The following TTC27 variants were observed in gnomAD, a reference collection of about 807,000 sequenced individuals.
TTC27 encodes tetratricopeptide repeat protein 27.
Under a neutral mutation model 115.9 loss-of-function variants are expected in TTC27, and 79 were observed. That is an observed-to-expected ratio of 0.68 (90% CI 0.57 to 0.82). TTC27 has a LOEUF of 0.82. TTC27 is among the 40% of genes least tolerant of loss of function. The pLI is 0.00. For missense variants in TTC27, 1,054 were observed against 993.1 expected (o/e 1.06, Z -0.82); for synonymous variants, 401 against 356.0 (o/e 1.13, Z -1.42).
intron 16 of TTC27, among the ~76,000 whole-genome samples, chr2:32,795,725 GTATTATTATTAT>G (rs3081615): frequency 7.2e-6 from 1 of 138,700 alleles, no homozygotes. Context: ...GCTAATTTTT[GTATTATTATTAT>G]TATTATTATT....
At chr2:32,808,590 A>G (rs542328953) in intron 16 of TTC27, among the ~76,000 whole-genome samples, 2 of 152,212 alleles carry the variant, frequency 1.3e-5, no homozygotes, top group African/African-American at 4.8e-5. Context: ...AGTTCCCTTC[A>G]TGCCCCTGCA....
At chr2:32,784,589 T>G (rs1389956493) in intron 15 of TTC27, among the ~76,000 whole-genome samples, 2 of 152,228 alleles carry the variant, frequency 1.3e-5, no homozygotes, top group Non-Finnish European at 2.9e-5. Context: ...TATTCGGATG[T>G]AATTTTAATG....
chr2:32,657,353 CTTTTTT>C (rs988569906), intron 5 of TTC27, among the ~76,000 whole-genome samples: 10 of 128,326 alleles, frequency 7.8e-5, no homozygotes, highest in African/African-American at 2.6e-4. Flanking sequence ...CACTGTCTTT[CTTTTTT>C]TTTTTTTTTT....
intron 9 of TTC27, among the ~76,000 whole-genome samples, chr2:32,680,647 C>A (rs1666385505): frequency 6.6e-6 from 1 of 151,894 alleles, no homozygotes; most frequent in Non-Finnish European, 1.5e-5. Context: ...TGGATGGGGA[C>A]AAGTGTCTAG....
chr2:32,744,419 A>G (rs1668748182), intron 12 of TTC27, among the ~76,000 whole-genome samples: 1 of 152,194 alleles, frequency 6.6e-6, no homozygotes, highest in African/African-American at 2.4e-5. Flanking sequence ...TTCTGTAATC[A>G]TCTATTTAAT....
intron 9 of TTC27, among the ~76,000 whole-genome samples, chr2:32,698,911 T>C (rs1298550912): frequency 1.3e-5 from 2 of 152,202 alleles, no homozygotes; most frequent in Admixed American, 6.5e-5. Flanking sequence ...GATAACTAGT[T>C]ATTATTTACA....
chr2:32,664,616 GT>G, intron 6 of TTC27, 149 bp downstream of exon 6: 1 of 679,958 alleles, frequency 1.5e-6, no homozygotes, highest in Non-Finnish European at 2.3e-6. Flanking sequence ...CAAATTTATA[GT>G]TTATAACAAA....
At chr2:32,658,621 G>A (rs1230862370) in intron 5 of TTC27, among the ~76,000 whole-genome samples, 1 of 152,100 alleles carries the variant, frequency 6.6e-6, no homozygotes, top group African/African-American at 2.4e-5. Flanking sequence ...ATTCTGGTAG[G>A]CTGTTTTGTG....
chr2:32,628,545 C>CT (rs2151855802), intron 1 of TTC27, among the ~76,000 whole-genome samples, 165 bp downstream of exon 1: 1 of 152,252 alleles, frequency 6.6e-6, no homozygotes, highest in South Asian at 2.1e-4. Flanking sequence ...GTGGTCCTCA[C>CT]TTTCTTTGCG....
intron 16 of TTC27, among the ~76,000 whole-genome samples, chr2:32,795,143 A>C (rs1034490660): frequency 5.9e-4 from 90 of 151,944 alleles, no homozygotes; most frequent in African/African-American, 1.7e-3. Flanking sequence ...AAAAAAAAAA[A>C]AAACAAACAA....
chr2:32,780,198 TG>T, intron 14 of TTC27: 1 of 391,874 alleles, frequency 2.6e-6, no homozygotes, highest in South Asian at 1.9e-5. Context: ...TTTTTAGCTT[TG>T]TAAATTTCCC....
chr2:32,782,487 A>G, intron 14 of TTC27, 139 bp from the exon 15 acceptor site: 1 of 506,574 alleles, frequency 2.0e-6, no homozygotes, highest in Non-Finnish European at 3.4e-6. Context: ...TTTGCCATAT[A>G]CCTTTAAACA....
chr2:32,735,769 C>A (rs1311174779), intron 11 of TTC27, among the ~76,000 whole-genome samples: 10 of 152,172 alleles, frequency 6.6e-5, no homozygotes, highest in African/African-American at 2.4e-4. Context: ...CCAGCTCTCA[C>A]ATGCCATGGG....
intron 12 of TTC27, among the ~76,000 whole-genome samples, chr2:32,746,432 A>T (rs962167885): frequency 2.0e-5 from 3 of 151,876 alleles, no homozygotes; most frequent in Non-Finnish European, 4.4e-5. Context: ...GCGTGGCAGC[A>T]CATGCCTGTA....
chr2:32,736,241 T>C (rs1456448878), intron 11 of TTC27, among the ~76,000 whole-genome samples: 1 of 152,142 alleles, frequency 6.6e-6, no homozygotes. Context: ...CTAAGTAGCT[T>C]TGAGTGAGAA....
intron 16 of TTC27, among the ~76,000 whole-genome samples, chr2:32,795,725 G>GTATTATTATTATTAT (rs3081615): frequency 0.043 from 5,932 of 138,648 alleles, 174 homozygotes; most frequent in African/African-American, 0.079. Context: ...GCTAATTTTT[G>GTATTATTATTATTAT]TATTATTATT....
chr2:32,720,498 G>A (rs550219165), intron 10 of TTC27, among the ~76,000 whole-genome samples: 4 of 152,236 alleles, frequency 2.6e-5, no homozygotes, highest in South Asian at 2.1e-4. Context: ...AATTTTTAGT[G>A]TAGTAACAAG....
intron 12 of TTC27, among the ~76,000 whole-genome samples, chr2:32,757,431 C>T (rs1048093276): frequency 6.6e-6 from 1 of 152,122 alleles, no homozygotes; most frequent in African/African-American, 2.4e-5. Flanking sequence ...TTCCTTGTTC[C>T]TTTCTTTTAC....
chr2:32,639,935 G>A (rs1277110438), intron 3 of TTC27, among the ~76,000 whole-genome samples: 1 of 152,170 alleles, frequency 6.6e-6, no homozygotes, highest in Non-Finnish European at 1.5e-5. Context: ...GGAGATGGAA[G>A]TTGCAGTGAG....
Sources: allele counts gnomAD v4.1 joint callset (sites outside exome capture counted in the v4.1 genomes callset), GRCh38; gene constraint gnomAD v4.1.1; transcripts MANE v1.5; gene names NCBI Gene and HGNC (gene_info 2026-07-23, HGNC 2026-07-21).